The following ABHD2 variants were observed in gnomAD, a reference collection of about 807,000 sequenced individuals.
The protein encoded by ABHD2 is monoacylglycerol lipase ABHD2.
Under a neutral mutation model 48.1 loss-of-function variants are expected in ABHD2, and 20 were observed. The observed-to-expected ratio is 0.42, with a 90% CI of 0.29 to 0.60. The LOEUF (loss-of-function observed/expected upper bound fraction) is 0.60. Among genes scored for constraint, ABHD2 ranks in the 20% least tolerant of loss-of-function variants. ABHD2 has a pLI of 0.24. For missense variants in ABHD2, 405 were observed against 550.9 expected (o/e 0.74, Z 2.65); for synonymous variants, 209 against 214.2 (o/e 0.98, Z 0.21).
intron 3 of ABHD2, among the ~76,000 whole-genome samples, chr15:89,128,408 C>G (rs1008193313): frequency 2.0e-5 from 3 of 152,164 alleles, no homozygotes; most frequent in Admixed American, 6.5e-5. Flanking sequence ...GTCCTGTGGG[C>G]CTTCCAACCA....
the ABHD2 span, among the ~76,000 whole-genome samples, chr15:89,063,085 A>G: frequency 6.0e-5 from 9 of 150,238 alleles, no homozygotes; most frequent in East Asian, 1.8e-3. Context: ...CTCGTGCCTC[A>G]GCCATCCAAG....
At position 89,100,357 on chromosome 15, in the gene ABHD2, C is replaced by T. The variant is rs1218793868; in HGVS notation, c.-107+11794C>T. Among the ~76,000 whole-genome samples, 2 of 151,368 alleles carry T rather than the reference C, an allele frequency of 1.3e-5. No individual in the cohort carries two copies. Among genetic ancestry groups the T allele is most frequent in the Admixed American group, 6.6e-5 (1 of 15,188 alleles). ...CTGGAGTGCAATAGTGCGATCATAGCTCACTGTAGCCTCAATCTTCTGTGC... is the reference window on the plus strand; with the variant it reads ...CTGGAGTGCAATAGTGCGATCATAGTTCACTGTAGCCTCAATCTTCTGTGC... On this transcript the variant is annotated intron_variant, in intron 1 of 10. Transcript: ENST00000352732. This position sits in a 1 kb window ranked among gnomAD's most constrained non-coding sequence, Gnocchi z 4.4.
intron 1 of ABHD2, among the ~76,000 whole-genome samples, chr15:89,110,304 C>T (rs1480118698): frequency 1.3e-5 from 2 of 152,084 alleles, no homozygotes; most frequent in Non-Finnish European, 2.9e-5. Context: ...TCAAGTGATC[C>T]GCCCGCCTCG....
At chr15:89,093,460 C>T (rs1332501606) in intron 1 of ABHD2, among the ~76,000 whole-genome samples, 1 of 152,094 alleles carries the variant, frequency 6.6e-6, no homozygotes, top group Non-Finnish European at 1.5e-5. Flanking sequence ...CGTGAGCCAC[C>T]GTGCCTGGCC....
At chr15:89,148,288 A>G (rs1198188676) in intron 3 of ABHD2, among the ~76,000 whole-genome samples, 1 of 152,214 alleles carries the variant, frequency 6.6e-6, no homozygotes, top group East Asian at 1.9e-4. Flanking sequence ...AGTTCACAGA[A>G]GAGAAATACA....
chr15:89,182,866 C>T lies in ABHD2; in HGVS notation c.723-2558C>T, dbSNP rs74480925. Among the ~76,000 whole-genome samples the T allele has an allele frequency of 7.8e-3, 1,193 of 152,184 alleles. 18 individuals carry two copies. Among genetic ancestry groups the T allele is most frequent in the African/African-American group, 0.028 (1,154 of 41,504 alleles). Reference sequence around the variant, plus strand: ...TGCAGTGTCTAGAGAGCTAAACTCCCCTGGTTTCGTGCCCATTTTGTGATT... The same window carrying T: ...TGCAGTGTCTAGAGAGCTAAACTCCTCTGGTTTCGTGCCCATTTTGTGATT... On this transcript the variant is annotated intron_variant, in intron 6 of 10. Coordinates refer to ENST00000352732, the MANE Select transcript of ABHD2 (RefSeq NM_152924.5). The surrounding 1 kb of genome is among the most constrained non-coding windows in gnomAD (Gnocchi z 4.8).
In ABHD2 at chr15:89,184,505, T is replaced by C. The variant is rs925297312; in HGVS notation, c.723-919T>C. ...AATGAGTGTGGACTCAGTGTCCGCCTGCGTTTGGATTCACGCCCAAGGGAG... is the reference window on the plus strand; with the variant it reads ...AATGAGTGTGGACTCAGTGTCCGCCCGCGTTTGGATTCACGCCCAAGGGAG... On this transcript the variant is annotated intron_variant, in intron 6 of 10. Coordinates refer to ENST00000352732, the MANE Select transcript of ABHD2 (RefSeq NM_152924.5). This position sits in a 1 kb window ranked among gnomAD's most constrained non-coding sequence, Gnocchi z 5.1. 6.6e-6 allele frequency among the ~76,000 whole-genome samples: 1 copy of C among 152,012 alleles called. No individual in the cohort carries two copies. Among genetic ancestry groups the C allele is most frequent in the Non-Finnish European group, 1.5e-5 (1 of 67,970 alleles).
the ABHD2 span, among the ~76,000 whole-genome samples, chr15:89,062,190 C>T: frequency 9.2e-5 from 14 of 152,084 alleles, no homozygotes; most frequent in Admixed American, 9.2e-4. Context: ...TGGCTAGGGT[C>T]CTGAGGCTAT....
the ABHD2 span, among the ~76,000 whole-genome samples, chr15:89,059,222 C>T: frequency 1.3e-5 from 2 of 152,138 alleles, no homozygotes; most frequent in Non-Finnish European, 2.9e-5. Flanking sequence ...TGCCCATATG[C>T]CAGGGGATCC....
At chr15:89,055,885 A>T in the ABHD2 span, among the ~76,000 whole-genome samples, 1 of 151,924 alleles carries the variant, frequency 6.6e-6, no homozygotes, top group Admixed American at 6.6e-5. Context: ...GTTTTTACAG[A>T]CTGGGTCTCA....
chr15:89,076,663 T>G, the ABHD2 span, among the ~76,000 whole-genome samples: 1 of 152,022 alleles, frequency 6.6e-6, no homozygotes, highest in African/African-American at 2.4e-5. Flanking sequence ...TTTTGTATTT[T>G]TGTAGAGATG....
intron 1 of ABHD2, among the ~76,000 whole-genome samples, chr15:89,101,928 G>A (rs774588923): frequency 2.0e-5 from 3 of 152,138 alleles, no homozygotes; most frequent in Admixed American, 1.3e-4. Flanking sequence ...TCACACCTAT[G>A]ACCTCACTTC....
chr15:89,105,926 T>C (rs1302479334), intron 1 of ABHD2, among the ~76,000 whole-genome samples: 1 of 151,906 alleles, frequency 6.6e-6, no homozygotes, highest in Non-Finnish European at 1.5e-5. Flanking sequence ...AGTCTTGAAC[T>C]CCTGGGCTCA....
At chr15:89,051,753 C>T in the ABHD2 span, among the ~76,000 whole-genome samples, 1 of 152,202 alleles carries the variant, frequency 6.6e-6, no homozygotes, top group Non-Finnish European at 1.5e-5. Context: ...GCTCTTCCGC[C>T]ATGATTGTGA....
the ABHD2 span, among the ~76,000 whole-genome samples, chr15:89,056,995 T>C: frequency 0.2 from 27,758 of 141,278 alleles, 2,711 homozygotes; most frequent in Middle Eastern, 0.23. Flanking sequence ...CTCACTGCAA[T>C]CTCCGCCTCC....
rs929622111 is a variant in ABHD2, at chr15:89,146,351, C to T, written c.195-5326C>T. Among the ~76,000 whole-genome samples the T allele has an allele frequency of 4.6e-5, 5 of 108,236 alleles. No individual in the cohort carries two copies. In the East Asian group the frequency reaches 1.0e-3, roughly 22 times the overall value. 71.0% of individuals were successfully genotyped at this position (108,236 alleles called of 152,430 possible). On this transcript the variant is annotated intron_variant, in intron 3 of 10. Coordinates refer to ENST00000352732, the MANE Select transcript of ABHD2 (RefSeq NM_152924.5). This position sits in a 1 kb window ranked among gnomAD's most constrained non-coding sequence, Gnocchi z 4.2. ...TATGTGAGCTTCATCTGCTCAAAGA[C>T]GTACGTGTGTGTGTGTGTGTGTGTG...
the ABHD2 span, among the ~76,000 whole-genome samples, chr15:89,050,850 C>T: frequency 5.3e-5 from 8 of 152,238 alleles, no homozygotes; most frequent in South Asian, 6.2e-4. Context: ...AGGCTGCATG[C>T]AGGCTGGGGA....
At chr15:89,080,194 T>C in the ABHD2 span, among the ~76,000 whole-genome samples, 2 of 152,196 alleles carry the variant, frequency 1.3e-5, no homozygotes, top group Non-Finnish European at 2.9e-5. Context: ...GGCCACTGTC[T>C]CTGCCTGAGT....
Position 89,168,749 on chromosome 15 carries a change from C to G in ABHD2, c.539-7063C>G, listed in dbSNP as rs1158767912. Among the ~76,000 whole-genome samples, 2 of 152,184 alleles carry G rather than the reference C, an allele frequency of 1.3e-5. No individual in the cohort carries two copies. The highest frequency in any genetic ancestry group is 3.9e-4 in the East Asian group (2 of 5,192). ...CTGCTCTAGGTCTCAAATAATTAGTCTCAAACCTGAGTAATGATAGATGGG... is the reference window on the plus strand; with the variant it reads ...CTGCTCTAGGTCTCAAATAATTAGTGTCAAACCTGAGTAATGATAGATGGG... On this transcript the variant is annotated intron_variant, in intron 5 of 10. Coordinates refer to ENST00000352732, the MANE Select transcript of ABHD2 (RefSeq NM_152924.5). The surrounding 1 kb of genome is among the most constrained non-coding windows in gnomAD (Gnocchi z 4.8).
Sources: allele counts gnomAD v4.1 joint callset (sites outside exome capture counted in the v4.1 genomes callset), GRCh38; gene constraint gnomAD v4.1.1; non-coding constraint Gnocchi (gnomAD v3.1); transcripts MANE v1.5; gene names NCBI Gene and HGNC (gene_info 2026-07-23, HGNC 2026-07-21).